The following BCAS3 variants were observed in gnomAD, a reference collection of about 807,000 sequenced individuals.
BCAS3 encodes BCAS4/BCAS3 fusion.
A neutral mutation model predicts 116.1 loss-of-function variants in BCAS3; 53 were observed. The ratio of observed to expected loss-of-function variants is 0.46; its 90% confidence interval spans 0.37 to 0.57. BCAS3 has a LOEUF of 0.57. BCAS3 is among the 20% of genes least tolerant of loss of function. BCAS3 has a pLI of 0.00. For missense variants in BCAS3, 917 were observed against 1,165.4 expected (o/e 0.79, Z 3.10); for synonymous variants, 391 against 408.2 (o/e 0.96, Z 0.51).
At chr17:61,371,826 C>A (rs994124182) in intron 23 of BCAS3, among the ~76,000 whole-genome samples, 4 of 152,224 alleles carry the variant, frequency 2.6e-5, no homozygotes, top group Non-Finnish European at 5.9e-5. Flanking sequence ...CAGCCGAGGT[C>A]TGCATTTCAG....
At position 61,134,184 on chromosome 17, in the gene BCAS3, T is replaced by C. The variant is rs1411657105; in HGVS notation, c.2425+49620T>C. Reference sequence around the variant, plus strand: ...TAAAAGTCACATTCATAATGAACACTGGAGCAATTATACATCCTAAAAAGA... The same window carrying C: ...TAAAAGTCACATTCATAATGAACACCGGAGCAATTATACATCCTAAAAAGA... On this transcript the variant is annotated intron_variant, in intron 22 of 23. Transcript: ENST00000407086. This position sits in a 1 kb window ranked among gnomAD's most constrained non-coding sequence, Gnocchi z 4.6. Among the ~76,000 whole-genome samples, 1 of 152,198 alleles carries C rather than the reference T, an allele frequency of 6.6e-6. No homozygotes were observed. Among genetic ancestry groups the C allele is most frequent in the Non-Finnish European group, 1.5e-5 (1 of 68,034 alleles).
chr17:61,103,670 T>C (rs1210292407), intron 22 of BCAS3, among the ~76,000 whole-genome samples: 4 of 152,324 alleles, frequency 2.6e-5, no homozygotes, highest in African/African-American at 9.6e-5. Flanking sequence ...CACTCCATCT[T>C]ACTCTGTCTT....
rs1345681035 is a variant in BCAS3 at position 61,204,047 on chromosome 17, C to A, written c.2425+119483C>A. Reference sequence around the variant, plus strand: ...GGTGACCCTAGCCGCCTGTGATTTACTAACTGTTTTACAAATGTTTCCTCG... The same window carrying A: ...GGTGACCCTAGCCGCCTGTGATTTAATAACTGTTTTACAAATGTTTCCTCG... On this transcript the variant is annotated intron_variant, in intron 22 of 23. Transcript: ENST00000407086. The surrounding 1 kb of genome is among the most constrained non-coding windows in gnomAD (Gnocchi z 4.2). Among the ~76,000 whole-genome samples the A allele has an allele frequency of 1.3e-5, 2 of 152,184 alleles. No individual in the cohort carries two copies. The highest frequency in any genetic ancestry group is 2.9e-5 in the Non-Finnish European group (2 of 68,036).
intron 22 of BCAS3, among the ~76,000 whole-genome samples, chr17:61,127,239 G>A (rs1437174794): frequency 6.6e-6 from 1 of 152,058 alleles, no homozygotes; most frequent in Non-Finnish European, 1.5e-5. Flanking sequence ...ATTGTCCGTC[G>A]CAGATTGAGG....
intron 14 of BCAS3, among the ~76,000 whole-genome samples, chr17:60,978,736 C>T (rs956190728): frequency 2.6e-5 from 4 of 151,328 alleles, no homozygotes; most frequent in Non-Finnish European, 4.4e-5. Context: ...GCCAGTTTTC[C>T]CAGCACCATT....
chr17:60,853,417 A>C (rs2053358693), intron 7 of BCAS3, among the ~76,000 whole-genome samples: 1 of 152,232 alleles, frequency 6.6e-6, no homozygotes, highest in Admixed American at 6.5e-5. Context: ...TATATGTTTG[A>C]ATTCAAATGC....
intron 22 of BCAS3, among the ~76,000 whole-genome samples, chr17:61,328,111 G>A (rs527692360): frequency 6.6e-6 from 1 of 151,858 alleles, no homozygotes; most frequent in Non-Finnish European, 1.5e-5. Context: ...TGCAGAGAGA[G>A]TAACAATAAA....
In BCAS3 at chr17:60,762,157, C is replaced by G. The variant is rs1331935472; in HGVS notation, c.403+14878C>G. Among the ~76,000 whole-genome samples, 34 of 152,272 alleles carry G rather than the reference C, an allele frequency of 2.2e-4. No individual in the cohort carries two copies. In the East Asian group the frequency reaches 4.6e-3, roughly 21 times the overall value. On this transcript the variant is annotated intron_variant, in intron 6 of 23. Transcript: ENST00000407086. The stretch of plus-strand genomic sequence containing the variant: ...TCTCCCATTCTGTAGGTTGCCTGTT[C>G]ACTCTGATGGTAGTTTCTTTTGCTG...
At chr17:60,756,061 C>T (rs1334463015) in intron 6 of BCAS3, among the ~76,000 whole-genome samples, 1 of 151,918 alleles carries the variant, frequency 6.6e-6, no homozygotes, top group Non-Finnish European at 1.5e-5. Flanking sequence ...GTGGCCCCAA[C>T]CTTTTTGACA....
At chr17:60,860,847 A>G (rs1158503411) in intron 7 of BCAS3, among the ~76,000 whole-genome samples, 2 of 152,044 alleles carry the variant, frequency 1.3e-5, no homozygotes, top group Non-Finnish European at 2.9e-5. Flanking sequence ...CCATTGGTCT[A>G]TGTGTCAGTT....
intron 14 of BCAS3, among the ~76,000 whole-genome samples, chr17:60,971,184 G>C (rs1014909435): frequency 6.6e-6 from 1 of 152,192 alleles, no homozygotes; most frequent in Admixed American, 6.5e-5. Flanking sequence ...GCCCCAAAGA[G>C]GTGCATCTGT....
rs1303346708 is a variant in BCAS3 at position 61,082,208 on chromosome 17, C to T, written c.2328-2259C>T. ...GATTAGCTCCTCAGAAATTGGTTAT[C>T]ATTTATTTTATTTTATTTAACTGAG... On this transcript the variant is annotated intron_variant, in intron 21 of 23. Transcript: ENST00000407086. This position sits in a 1 kb window ranked among gnomAD's most constrained non-coding sequence, Gnocchi z 5.1. Among the ~76,000 whole-genome samples, 1 of 152,126 alleles carries T rather than the reference C, an allele frequency of 6.6e-6. No homozygotes were observed. The highest frequency in any genetic ancestry group is 1.5e-5 in the Non-Finnish European group (1 of 68,024).
intron 6 of BCAS3, among the ~76,000 whole-genome samples, chr17:60,753,382 A>T (rs1408308986): frequency 1.2e-4 from 14 of 117,864 alleles, no homozygotes; most frequent in East Asian, 2.6e-4. Flanking sequence ...TTTGTCTCTT[A>T]TTTTATTTAT....
At chr17:60,875,756 TAATTA>T (rs1415061359) in intron 9 of BCAS3, among the ~76,000 whole-genome samples, 1 of 152,042 alleles carries the variant, frequency 6.6e-6, no homozygotes, top group African/African-American at 2.4e-5. Context: ...TATTGTATCT[TAATTA>T]AATTTCTAGT....
rs79090048 is a variant in BCAS3 at position 61,032,129 on chromosome 17, C to T, written c.1638-2537C>T. Among the ~76,000 whole-genome samples, 546 of 152,178 alleles carry T rather than the reference C, an allele frequency of 3.6e-3. 11 individuals are homozygous for T. The East Asian group carries it at 0.076, about 21-fold the overall frequency. ...CATGTTAGAAAGTTTGCCATCTGGC[C>T]TGGAAGCAACTATTTTTAAGTCTGT... is the stretch of plus-strand genomic sequence containing the variant. On this transcript the variant is annotated intron_variant, in intron 16 of 23. Transcript: ENST00000407086. This position sits in a 1 kb window ranked among gnomAD's most constrained non-coding sequence, Gnocchi z 4.6.
At chr17:61,092,578 C>A (rs2073664865) in intron 22 of BCAS3, among the ~76,000 whole-genome samples, 1 of 152,156 alleles carries the variant, frequency 6.6e-6, no homozygotes, top group South Asian at 2.1e-4. Flanking sequence ...TGGATGTGAA[C>A]TATGGTTTGA....
chr17:61,052,904 G>C (rs964758898), intron 19 of BCAS3, among the ~76,000 whole-genome samples: 2 of 151,438 alleles, frequency 1.3e-5, no homozygotes, highest in Admixed American at 6.6e-5. Flanking sequence ...TTTTAGTAGG[G>C]ACAGGGTTTC....
intron 4 of BCAS3, among the ~76,000 whole-genome samples, chr17:60,699,216 CTTAT>C (rs144443482): frequency 0.07 from 10,550 of 151,746 alleles, 1,208 homozygotes; most frequent in African/African-American, 0.24. Flanking sequence ...TATTTATTTA[CTTAT>C]TTATTTATTT....
intron 23 of BCAS3, among the ~76,000 whole-genome samples, chr17:61,375,848 C>T (rs2059313592): frequency 6.6e-6 from 1 of 152,232 alleles, no homozygotes; most frequent in African/African-American, 2.4e-5. Flanking sequence ...GCTGGGATTA[C>T]ATGCATGAGC....
Sources: allele counts gnomAD v4.1 joint callset (sites outside exome capture counted in the v4.1 genomes callset), GRCh38; gene constraint gnomAD v4.1.1; non-coding constraint Gnocchi (gnomAD v3.1); transcripts MANE v1.5; gene names NCBI Gene and HGNC (gene_info 2026-07-23, HGNC 2026-07-21).